The following TPTE variants were observed in gnomAD, a reference collection of about 807,000 sequenced individuals.
TPTE encodes the protein transmembrane phosphatase with tensin homology, also known as putative tyrosine-protein phosphatase TPTE.
In TPTE, 59 loss-of-function variants were observed where a neutral mutation model predicts 84.1. The ratio of observed to expected loss-of-function variants is 0.70; its 90% confidence interval spans 0.57 to 0.87. The LOEUF (loss-of-function observed/expected upper bound fraction) is 0.87, where lower values mean the gene tolerates loss of function less well. Ranked by LOEUF, TPTE falls within the 40% of genes least tolerant of loss-of-function variation. The pLI is 0.00. For missense variants in TPTE, 382 were observed against 659.6 expected, an observed-to-expected ratio of 0.58 and a Z score of 4.61; for synonymous variants, 130 against 223.5, an observed-to-expected ratio of 0.58 and a Z score of 3.73.
At chr21:10,538,763 T>A (rs1354276654) in intron 4 of TPTE, 29 bp downstream of exon 4, 2 of 1,614,064 alleles carry the variant, frequency 1.2e-6, no homozygotes, top group Non-Finnish European at 1.7e-6. Context: ...TGTCTTTATT[T>A]ATCGAATTAT....
At chr21:10,577,006 A>G (rs2145728488) in intron 14 of TPTE, among the ~76,000 whole-genome samples, 1 of 152,384 alleles carries the variant, frequency 6.6e-6, no homozygotes, top group Non-Finnish European at 1.5e-5. Context: ...TATCACACAT[A>G]CACACAATCA....
At chr21:10,524,917 A>G (rs1380045524) in intron 2 of TPTE, among the ~76,000 whole-genome samples, 5 of 152,312 alleles carry the variant, frequency 3.3e-5, no homozygotes, top group Admixed American at 6.5e-5. Context: ...AAATAATTCG[A>G]TAGAAAAATA....
chr21:10,559,127 G>T (rs1456912818), intron 8 of TPTE, among the ~76,000 whole-genome samples: 2 of 152,306 alleles, frequency 1.3e-5, no homozygotes, highest in Non-Finnish European at 2.9e-5. Flanking sequence ...TTGATGATTT[G>T]CCCAGGCTGG....
At chr21:10,576,041 G>C (rs1279020139) in intron 14 of TPTE, among the ~76,000 whole-genome samples, 1 of 152,312 alleles carries the variant, frequency 6.6e-6, no homozygotes, top group Non-Finnish European at 1.5e-5. Flanking sequence ...CCTAGAGGCA[G>C]AAATACCATC....
chr21:10,578,425 T>G lies in TPTE; in HGVS notation c.938+7T>G, dbSNP rs2075205970. The stretch of plus-strand genomic sequence containing the variant: ...ATAATGTCCCCACTCTACAGTAAGT[T>G]TTATGCTAAATTGACTATCAGAAGA... On this transcript the variant is annotated splice_region_variant and intron_variant, in intron 16 of 23. Coordinates refer to ENST00000618007, the MANE Select transcript of TPTE (RefSeq NM_199261.4). The G allele has an allele frequency of 6.2e-7, 1 of 1,611,834 alleles. No homozygotes were observed. The highest frequency in any genetic ancestry group is 8.5e-7 in the Non-Finnish European group (1 of 1,179,808).
At chr21:10,593,618 C>A (rs2075526563) in intron 19 of TPTE, among the ~76,000 whole-genome samples, 1 of 152,304 alleles carries the variant, frequency 6.6e-6, no homozygotes, top group Non-Finnish European at 1.5e-5. Context: ...TTCTCAGTAA[C>A]TCTGTGAGTA....
intron 7 of TPTE, among the ~76,000 whole-genome samples, chr21:10,551,983 G>A (rs1234343694): frequency 6.6e-6 from 1 of 152,312 alleles, no homozygotes; most frequent in African/African-American, 2.4e-5. Context: ...GAAAGGAAGA[G>A]CCATTTGCTA....
At chr21:10,581,138 A>G (rs1472246062) in intron 17 of TPTE, among the ~76,000 whole-genome samples, 1 of 152,306 alleles carries the variant, frequency 6.6e-6, no homozygotes, top group Admixed American at 6.5e-5. Context: ...GTTTAGCTGT[A>G]TATTAGTTAA....
At chr21:10,555,099 A>G (rs1395709062) in intron 8 of TPTE, among the ~76,000 whole-genome samples, 1 of 152,304 alleles carries the variant, frequency 6.6e-6, no homozygotes, top group South Asian at 2.1e-4. Context: ...TCCACCTTCT[A>G]TTGATAAAAA....
chr21:10,541,726 A>G (rs1028571080), intron 5 of TPTE, among the ~76,000 whole-genome samples: 3 of 152,428 alleles, frequency 2.0e-5, no homozygotes, highest in African/African-American at 7.2e-5. Flanking sequence ...TAGCAGGCAA[A>G]TGCTTTGGAA....
chr21:10,556,519 T>G (rs1434923960), intron 8 of TPTE, among the ~76,000 whole-genome samples: 58 of 152,388 alleles, frequency 3.8e-4, no homozygotes, highest in African/African-American at 1.3e-3. Context: ...GCATGTGTCT[T>G]TATAGCAGCA....
chr21:10,550,050 A>G (rs1314179642), intron 7 of TPTE, among the ~76,000 whole-genome samples: 6 of 152,292 alleles, frequency 3.9e-5, no homozygotes, highest in East Asian at 3.8e-4. Context: ...AGCCAAGAAT[A>G]TTATAGCCAG....
chr21:10,564,565 C>G (rs2074876925), intron 10 of TPTE, among the ~76,000 whole-genome samples: 1 of 152,304 alleles, frequency 6.6e-6, no homozygotes, highest in South Asian at 2.1e-4. Flanking sequence ...CAAAAACATG[C>G]TAATATATCT....
chr21:10,567,938 C>T (rs375723637), intron 11 of TPTE, 149 bp downstream of exon 11: 31,264 of 1,457,360 alleles, frequency 0.021, no homozygotes, highest in East Asian at 0.13. Context: ...GGTAAATTCC[C>T]ACATACTTTG....
intron 17 of TPTE, among the ~76,000 whole-genome samples, chr21:10,587,140 A>G (rs1463572683): frequency 6.6e-6 from 1 of 152,312 alleles, no homozygotes; most frequent in African/African-American, 2.4e-5. Flanking sequence ...TAGATTTCTG[A>G]TGTAGGATGA....
chr21:10,573,831 T>C (rs2145718917), intron 14 of TPTE, among the ~76,000 whole-genome samples: 1 of 152,418 alleles, frequency 6.6e-6, no homozygotes, highest in South Asian at 2.1e-4. Context: ...TTCAGGCCTG[T>C]TCACATGATG....
At chr21:10,559,181 G>A (rs2074743429) in intron 8 of TPTE, among the ~76,000 whole-genome samples, 3 of 152,310 alleles carry the variant, frequency 2.0e-5, no homozygotes, top group Non-Finnish European at 4.4e-5. Flanking sequence ...CTGTCTTCAT[G>A]CTATACTCCT....
chr21:10,594,814 T>A (rs2075551220), intron 19 of TPTE, among the ~76,000 whole-genome samples: 1 of 152,312 alleles, frequency 6.6e-6, no homozygotes, highest in Non-Finnish European at 1.5e-5. Flanking sequence ...TGGCAAGACC[T>A]CAGGACAGAG....
intron 21 of TPTE, among the ~76,000 whole-genome samples, chr21:10,600,146 T>TC (rs1462224742): frequency 3.3e-5 from 5 of 152,016 alleles, no homozygotes; most frequent in South Asian, 2.1e-4. Context: ...TTTTCTTTTT[T>TC]TTTTTTTTTT....
Sources: gnomAD v4.1 joint callset for allele counts (sites outside exome capture counted in the v4.1 genomes callset) on GRCh38, gnomAD v4.1.1 for gene constraint, MANE v1.5 for transcripts, NCBI Gene and HGNC (gene_info 2026-07-23, HGNC 2026-07-21) for gene names.